The following JMJD1C variants were observed in gnomAD, a reference collection of about 807,000 sequenced individuals.
JMJD1C encodes jumonji domain containing 1C.
Under a neutral mutation model 245.3 loss-of-function variants are expected in JMJD1C, and 31 were observed. The ratio of observed to expected loss-of-function variants is 0.13; its 90% CI spans 0.09 to 0.17. The LOEUF is 0.17. Among genes scored for constraint, JMJD1C ranks in the 10% least tolerant of loss-of-function variants. The pLI, the probability that JMJD1C is intolerant of heterozygous loss-of-function variation, is 1.00. For synonymous variants in JMJD1C, 1,057 were observed against 1,017.4 expected, an observed-to-expected ratio of 1.04 and a Z score of -0.74; for missense variants, 2,691 against 3,000.2, an observed-to-expected ratio of 0.90 and a Z score of 2.41.
Position 63,209,110 on chromosome 10 carries a change from G to A in JMJD1C, c.2820C>T (p.Ala940=). The A allele has an allele frequency of 3.7e-6, 6 of 1,613,918 alleles. No homozygotes were observed. The highest frequency in any genetic ancestry group is 5.1e-6 in the Non-Finnish European group (6 of 1,179,866). ...AEPHRPLKIT[A]HSSPPLTKTL... is the part of the protein sequence containing the mutation. Reference sequence around the variant, plus strand: ...TTTTTGTCAATGGTGGACTGGAATGGGCTGTAATTTTAAGAGGCCGATGAG... The same window carrying A: ...TTTTTGTCAATGGTGGACTGGAATGAGCTGTAATTTTAAGAGGCCGATGAG... Residue 940 remains alanine (A), a synonymous_variant, in exon 9 of 26, where the codon GCC becomes GCT. Transcript: ENST00000399262.
chr10:63,215,610 A>G lies in JMJD1C; in HGVS notation c.765T>C (p.Asn255=). ...DVVHSLLKGE[N]IGITSRRRSR... ...ACCTGCGTCGTGATGTAATGCCAAT[A>G]TTTTCACCTTTTAACAAAGAGTGAA... is the stretch of plus-strand genomic sequence containing the variant. The change falls in exon 6 of 26, where the codon AAT becomes AAC. Residue 255 remains asparagine, a synonymous_variant. Coordinates refer to ENST00000399262, the MANE Select transcript of JMJD1C (RefSeq NM_032776.3). The G allele has an allele frequency of 6.2e-7, 1 of 1,611,576 alleles. No homozygotes were observed. The highest frequency in any genetic ancestry group is 8.5e-7 in the Non-Finnish European group (1 of 1,177,778).
intron 1 of JMJD1C, among the ~76,000 whole-genome samples, chr10:63,484,433 T>C (rs999829971): frequency 4.6e-5 from 7 of 152,202 alleles, no homozygotes; most frequent in Non-Finnish European, 8.8e-5. Flanking sequence ...CTAGTGTATG[T>C]AACTTTTCCA....
chr10:63,243,120 TATATAA>T (rs1266314413), intron 3 of JMJD1C, among the ~76,000 whole-genome samples: 10 of 86,696 alleles, frequency 1.2e-4, no homozygotes, highest in South Asian at 3.8e-4. Context: ...TATATATATA[TATATAA>T]ATATATATAT....
intron 3 of JMJD1C, among the ~76,000 whole-genome samples, chr10:63,243,171 G>A (rs1589261305): frequency 1.4e-5 from 2 of 145,346 alleles, no homozygotes; most frequent in South Asian, 2.2e-4. Flanking sequence ...AATCTCAATA[G>A]AATTTAGTAA....
At position 63,227,557 on chromosome 10, in the gene JMJD1C, T is replaced by G. The variant is rs1355931125; in HGVS notation, c.448-7574A>C. ...TTTCTGATAGATAATGACTGAATGCTCACTTTCAAATTGATACTGATATGT... is the reference window on the plus strand; with the variant it reads ...TTTCTGATAGATAATGACTGAATGCGCACTTTCAAATTGATACTGATATGT... On this transcript the variant is annotated intron_variant, in intron 3 of 25. Transcript: ENST00000399262. Among the ~76,000 whole-genome samples, 6 of 152,234 alleles carry G rather than the reference T, an allele frequency of 3.9e-5. No individual in the cohort carries two copies. In the South Asian group the frequency reaches 1.2e-3, roughly 31 times the overall value.
At chr10:63,179,464 T>C (rs1226969139) in intron 22 of JMJD1C, among the ~76,000 whole-genome samples, 3 of 150,826 alleles carry the variant, frequency 2.0e-5, no homozygotes, top group Admixed American at 2.0e-4. Flanking sequence ...CACAATGGAA[T>C]ACTATTTAGC....
In JMJD1C at chr10:63,213,759, A is replaced by G. The variant is rs1209322315; in HGVS notation, c.2408T>C (p.Val803Ala). ...GCCACCAAGTAAGGAGGCAGTAGGC[A>G]CTCCAGGTAACACAGTGGGAAGTAA... is the stretch of plus-strand genomic sequence containing the variant. ...PHLLPTVLPG[V>A]PTASLLGGHP... The change falls in exon 8 of 26, where the codon GTG becomes GCG. Residue 803 changes from valine to alanine, a missense_variant. By Grantham distance (64) the Val-to-Ala change is moderately conservative (BLOSUM62 0). Around this residue, in one of 9 missense-constraint regions of JMJD1C, gnomAD observed 1,562 missense variants for 1,490.7 expected, o/e 1.05. Transcript: ENST00000399262. 1 of 1,614,082 alleles carries G rather than the reference A, an allele frequency of 6.2e-7. No homozygotes were observed. The highest frequency in any genetic ancestry group is 8.5e-7 in the Non-Finnish European group (1 of 1,179,998).
chr10:63,337,624 A>AAAAGAAAAGAAAAAG (rs139374030), intron 2 of JMJD1C, among the ~76,000 whole-genome samples: 1,364 of 59,734 alleles, frequency 0.023, 83 homozygotes, highest in Middle Eastern at 0.051. Flanking sequence ...AAAAGAAAAG[A>AAAAGAAAAGAAAAAG]AAAAGAAAAG....
chr10:63,230,337 A>T (rs957804204), intron 3 of JMJD1C, among the ~76,000 whole-genome samples: 1 of 152,082 alleles, frequency 6.6e-6, no homozygotes, highest in Admixed American at 6.6e-5. Context: ...AAGCCACTGC[A>T]CTCCAGCCTG....
intron 22 of JMJD1C, among the ~76,000 whole-genome samples, chr10:63,181,447 C>T (rs1843464847): frequency 6.6e-6 from 1 of 151,996 alleles, no homozygotes; most frequent in South Asian, 2.1e-4. Context: ...AGAATGAATA[C>T]AGAAGTTTGC....
chr10:63,398,098 T>G (rs1177055573), intron 1 of JMJD1C, among the ~76,000 whole-genome samples: 1 of 152,216 alleles, frequency 6.6e-6, no homozygotes, highest in African/African-American at 2.4e-5. Flanking sequence ...AAAGAAGTAT[T>G]AATTCTCTAA....
At chr10:63,283,699 C>T (rs1857659653) in intron 2 of JMJD1C, among the ~76,000 whole-genome samples, 1 of 152,112 alleles carries the variant, frequency 6.6e-6, no homozygotes, top group African/African-American at 2.4e-5. Context: ...CATTCTTCTT[C>T]ATTTCAGGAA....
intron 1 of JMJD1C, among the ~76,000 whole-genome samples, chr10:63,473,402 C>T (rs1953555734): frequency 6.6e-6 from 1 of 151,974 alleles, no homozygotes; most frequent in Admixed American, 6.6e-5. Context: ...CACAGCACCA[C>T]ACCTGGCTAA....
chr10:63,361,438 T>C (rs888560522), intron 2 of JMJD1C, among the ~76,000 whole-genome samples: 1 of 151,922 alleles, frequency 6.6e-6, no homozygotes, highest in Non-Finnish European at 1.5e-5. Context: ...AATAAGTAAG[T>C]ACATAAACAA....
chr10:63,185,314 T>C (rs978244706), intron 20 of JMJD1C, among the ~76,000 whole-genome samples: 6 of 152,094 alleles, frequency 3.9e-5, no homozygotes, highest in Admixed American at 1.3e-4. Context: ...TATTTTTTTG[T>C]AGAGATAAGG....
intron 2 of JMJD1C, among the ~76,000 whole-genome samples, chr10:63,268,381 AC>A (rs1297226067): frequency 6.6e-6 from 1 of 151,860 alleles, no homozygotes; most frequent in Non-Finnish European, 1.5e-5. Context: ...CAAAACAAAT[AC>A]CCCCACTTTC....
chr10:63,391,774 C>T (rs1056499314), intron 1 of JMJD1C, among the ~76,000 whole-genome samples: 39 of 152,020 alleles, frequency 2.6e-4, no homozygotes, highest in Non-Finnish European at 4.4e-4. Flanking sequence ...CATCATTTTT[C>T]ACAGAAATAG....
chr10:63,232,747 A>C (rs1475781835), intron 3 of JMJD1C, among the ~76,000 whole-genome samples: 1 of 152,234 alleles, frequency 6.6e-6, no homozygotes. Context: ...TCTGAATTTT[A>C]AAGTCTCAAG....
At chr10:63,518,977 T>A (rs1024559920) in intron 1 of JMJD1C, among the ~76,000 whole-genome samples, 6 of 152,220 alleles carry the variant, frequency 3.9e-5, no homozygotes, top group Non-Finnish European at 8.8e-5. Flanking sequence ...CCAGTTGAGT[T>A]AACTTCTCTA....
Sources: allele counts gnomAD v4.1 joint callset (sites outside exome capture counted in the v4.1 genomes callset), GRCh38; gene constraint gnomAD v4.1.1; regional missense constraint gnomAD v4.1.1; transcripts MANE v1.5; gene names NCBI Gene and HGNC (gene_info 2026-07-23, HGNC 2026-07-21).